The following MTTP variants were observed in gnomAD, a reference collection of about 807,000 sequenced individuals.
The protein encoded by MTTP is microsomal triglyceride transfer protein large subunit.
A neutral mutation model predicts 90.6 loss-of-function variants in MTTP; 49 were observed. That is an observed-to-expected ratio of 0.54 (90% CI 0.43 to 0.69). MTTP has a LOEUF of 0.69. Ranked by LOEUF, MTTP falls within the 30% of genes least tolerant of loss-of-function variation. MTTP has a pLI of 0.00. For synonymous variants in MTTP, 347 were observed against 384.2 expected, an observed-to-expected ratio of 0.90 and a Z score of 1.13; for missense variants, 945 against 1,067.5, an observed-to-expected ratio of 0.89 and a Z score of 1.60.
chr4:99,615,605 C>T (rs1230411067), intron 15 of MTTP, among the ~76,000 whole-genome samples: 1 of 152,212 alleles, frequency 6.6e-6, no homozygotes, highest in African/African-American at 2.4e-5. Context: ...GAGACACATA[C>T]CACTCTAGGT....
At position 99,608,904 on chromosome 4, in the gene MTTP, G is replaced by A. The variant is rs1486107465; in HGVS notation, c.1696G>A (p.Glu566Lys). Residue 566 changes from glutamate (E) to lysine (K), a missense_variant, in exon 12 of 18, where the codon GAG (glutamate) becomes AAG (lysine). Physicochemically the swap from Glu to Lys is moderately conservative, Grantham distance 56. Coordinates refer to ENST00000265517, the MANE Select transcript of MTTP (RefSeq NM_001386140.1). ...DVKNILLSIG[E>K]LPQEMNKYML... is the part of the protein sequence containing the mutation. ...CAAGAACATCCTGCTGTCTATTGGG[G>A]AGCTTCCCCAAGAAATGAATAAATA... The A allele has an allele frequency of 1.2e-6, 2 of 1,614,102 alleles. No individual in the cohort carries two copies. The highest frequency in any genetic ancestry group is 1.7e-6 in the Non-Finnish European group (2 of 1,180,006).
intron 15 of MTTP, 125 bp from the exon 16 acceptor site, chr4:99,618,849 A>G: frequency 1.6e-6 from 2 of 1,280,186 alleles, no homozygotes; most frequent in South Asian, 2.6e-5. Flanking sequence ...CTAGAGAAAG[A>G]CTCCAACATC....
Position 99,582,017 on chromosome 4 carries a change from C to T in MTTP, c.174C>T (p.Arg58=), listed in dbSNP as rs1448636773. The change falls in exon 2 of 18, where the codon CGC becomes CGT. Residue 58 remains arginine, a synonymous_variant. Transcript: ENST00000265517. ...AACTGCAAGACAGCGTGGGCTACCG[C>T]ATTTCCTCCAACGTGGATGTGGCCT... The part of the protein sequence containing the change: ...KGKLQDSVGY[R]ISSNVDVALL... The T allele has an allele frequency of 3.7e-6, 6 of 1,614,112 alleles. No homozygotes were observed. Among genetic ancestry groups the T allele is most frequent in the Non-Finnish European group, 4.2e-6 (5 of 1,180,034 alleles).
intron 10 of MTTP, among the ~76,000 whole-genome samples, chr4:99,605,076 T>C (rs529068088): frequency 6.6e-6 from 1 of 152,292 alleles, no homozygotes; most frequent in African/African-American, 2.4e-5. Flanking sequence ...TGAATTTTGA[T>C]AATTTTCCAT....
intron 7 of MTTP, among the ~76,000 whole-genome samples, 178 bp from the exon 8 acceptor site, chr4:99,596,889 G>A (rs1222421575): frequency 1.3e-5 from 2 of 152,164 alleles, no homozygotes; most frequent in African/African-American, 2.4e-5. Context: ...TCACAGAGTG[G>A]ATGGAAGTCC....
intron 1 of MTTP, among the ~76,000 whole-genome samples, chr4:99,567,812 A>G (rs1578225843): frequency 6.6e-6 from 1 of 152,210 alleles, no homozygotes; most frequent in African/African-American, 2.4e-5. Flanking sequence ...ATTTTATGAA[A>G]TATTAGAAAA....
intron 10 of MTTP, among the ~76,000 whole-genome samples, chr4:99,605,397 A>G (rs934359768): frequency 3.3e-5 from 5 of 152,166 alleles, no homozygotes; most frequent in African/African-American, 1.2e-4. Context: ...TATTCCCTAC[A>G]TAGAGATCTT....
At chr4:99,609,662 G>A (rs1265897466) in intron 12 of MTTP, among the ~76,000 whole-genome samples, 1 of 151,792 alleles carries the variant, frequency 6.6e-6, no homozygotes, top group East Asian at 1.9e-4. Flanking sequence ...GAGATTGGAA[G>A]GGTGGAAAAT....
In MTTP at chr4:99,608,868, T is replaced by C; in HGVS notation, c.1660T>C (p.Tyr554His). Residue 554 changes from tyrosine to histidine, a missense_variant, in exon 12 of 18, where the codon TAC (tyrosine) becomes CAC (histidine). By Grantham distance (83) the Tyr-to-His change is moderately conservative (BLOSUM62 2). Coordinates refer to ENST00000265517, the MANE Select transcript of MTTP (RefSeq NM_001386140.1). Reference protein sequence around the residue: ...AAIILNNNPSYMDVKNILLSI... With the variant: ...AAIILNNNPSHMDVKNILLSI... The stretch of plus-strand genomic sequence containing the variant: ...TATCATTTTAAATAACAATCCATCC[T>C]ACATGGACGTCAAGAACATCCTGCT... 1 of 1,614,142 alleles carries C rather than the reference T, an allele frequency of 6.2e-7. No individual in the cohort carries two copies. The highest frequency in any genetic ancestry group is 1.1e-5 in the South Asian group (1 of 91,080).
chr4:99,613,132 C>A lies in MTTP; in HGVS notation c.2209C>A (p.His737Asn). The change falls in exon 15 of 18, where the codon CAT (histidine) becomes AAT (asparagine). Residue 737 changes from histidine to asparagine, a missense_variant. Transcript: ENST00000265517. ...GAAAGGACTTATTCTGCTAATAGAT[C>A]ATTCTCAGGTAATTCATTCAGTCTG... ...VVKGLILLID[H>N]SQELQLQSGL... The A allele has an allele frequency of 6.2e-7, 1 of 1,612,362 alleles. No homozygotes were observed. The highest frequency in any genetic ancestry group is 8.5e-7 in the Non-Finnish European group (1 of 1,178,760).
chr4:99,584,083 A>G (rs1368202671), intron 3 of MTTP: 1 of 152,614 alleles, frequency 6.6e-6, no homozygotes, highest in Non-Finnish European at 1.5e-5. Context: ...ATGATTGAAC[A>G]CTTTATAATA....
intron 2 of MTTP, 71 bp downstream of exon 2, chr4:99,582,163 G>A (rs1463168973): frequency 2.0e-6 from 3 of 1,477,108 alleles, no homozygotes; most frequent in Non-Finnish European, 2.8e-6. Context: ...CCATTGGACA[G>A]CACTTGTATT....
At chr4:99,577,632 G>GA (rs1725001914) in intron 1 of MTTP, among the ~76,000 whole-genome samples, 2 of 136,608 alleles carry the variant, frequency 1.5e-5, no homozygotes, top group South Asian at 2.5e-4. Context: ...AGAAAGAAAA[G>GA]AAAGAAAGGA....
chr4:99,606,881 C>G lies in MTTP; in HGVS notation c.1478C>G (p.Ala493Gly). Residue 493 changes from alanine (A) to glycine (G), a missense_variant, in exon 11 of 18, where the codon GCA becomes GGA. Physicochemically the swap from Ala to Gly is moderately conservative, Grantham distance 60. Transcript: ENST00000265517. ...GGCATCCCAAGTCTTCTGAAGTATG[C>G]AGAAGCAGGAGAAGGGCCCATCAGC... ...PEGIPSLLKY[A>G]EAGEGPISHL... is the part of the protein sequence containing the mutation. 6.2e-7 allele frequency: 1 copy of G among 1,613,948 alleles called. No homozygotes were observed. Among genetic ancestry groups the G allele is most frequent in the Non-Finnish European group, 8.5e-7 (1 of 1,179,968 alleles).
At chr4:99,578,816 G>A (rs28376611) in intron 1 of MTTP, among the ~76,000 whole-genome samples, 39,849 of 151,976 alleles carry the variant, frequency 0.26, 5,391 homozygotes, top group South Asian at 0.35. Context: ...TTGAACTTGG[G>A]GTCAGCTTCT....
chr4:99,618,715 AT>A (rs1025403501), intron 15 of MTTP, among the ~76,000 whole-genome samples: 8 of 152,194 alleles, frequency 5.3e-5, no homozygotes, highest in Non-Finnish European at 8.8e-5. Flanking sequence ...TGTAGCAATG[AT>A]TGAAGGAAAA....
chr4:99,587,652 C>T (rs1316770815), intron 3 of MTTP, among the ~76,000 whole-genome samples: 1 of 152,106 alleles, frequency 6.6e-6, no homozygotes, highest in African/African-American at 2.4e-5. Context: ...GTATTTTTCC[C>T]ACTTAGGAGA....
intron 3 of MTTP, among the ~76,000 whole-genome samples, chr4:99,587,272 T>C (rs1280268851): frequency 2.0e-5 from 3 of 152,152 alleles, no homozygotes; most frequent in Admixed American, 6.6e-5. Flanking sequence ...AGAAACAGAA[T>C]TTAGGCCCTA....
intron 12 of MTTP, 83 bp from the exon 13 acceptor site, chr4:99,611,060 T>G (rs931841624): frequency 6.7e-7 from 1 of 1,483,142 alleles, no homozygotes; most frequent in South Asian, 1.1e-5. Context: ...TTTTTTCCAC[T>G]GAGGATTTTT....
Sources: gnomAD v4.1 joint callset for allele counts (sites outside exome capture counted in the v4.1 genomes callset) on GRCh38, gnomAD v4.1.1 for gene constraint, MANE v1.5 for transcripts, NCBI Gene and HGNC (gene_info 2026-07-23, HGNC 2026-07-21) for gene names.